Variants in RYR1 observed in about 807,000 individuals in gnomAD.
RYR1 encodes the protein central core disease of muscle.
Under a neutral mutation model 583.5 loss-of-function variants are expected in RYR1, and 342 were observed. That is an observed-to-expected ratio of 0.59 (90% CI 0.54 to 0.64). The LOEUF is 0.64. Ranked by LOEUF, RYR1 falls within the 30% of genes least tolerant of loss-of-function variation. The probability of loss-of-function intolerance (pLI) is 0.00; values close to 1 mark genes in which losing one functional copy is unlikely to be tolerated. For missense variants in RYR1, 6,032 were observed against 6,917.2 expected (o/e 0.87, Z 4.54); for synonymous variants, 2,791 against 2,822.5 (o/e 0.99, Z 0.35).
chr19:38,501,061 G>A, intron 47 of RYR1, 71 bp downstream of exon 47: 1 of 1,454,210 alleles, frequency 6.9e-7, no homozygotes, highest in Non-Finnish European at 9.5e-7. Context: ...TCACGGTAGA[G>A]CAGCAGCAGC....
chr19:38,491,527 C>G (rs1441350872), intron 37 of RYR1, among the ~76,000 whole-genome samples: 1 of 151,790 alleles, frequency 6.6e-6, no homozygotes, highest in Non-Finnish European at 1.5e-5. Flanking sequence ...CTCCTGGGCT[C>G]AAGCCATCCT....
chr19:38,543,974 T>C lies in RYR1; in HGVS notation c.12012+99T>C, dbSNP rs1222895823. 1 of 1,182,558 alleles carries C rather than the reference T, an allele frequency of 8.5e-7. No individual in the cohort carries two copies. Among genetic ancestry groups the C allele is most frequent in the Admixed American group, 2.0e-5 (1 of 50,678 alleles). The allele number at this position is 1,182,558 out of a possible 1,614,324, so 73.3% of individuals were successfully genotyped here. ...TTTGGTCAGTTTGTCACCCGAGTGC[T>C]CCCGGCATGTTCCAGACTGGTTCCC... On this transcript the variant is annotated intron_variant, in intron 87 of 105. Coordinates refer to ENST00000359596, the MANE Select transcript of RYR1 (RefSeq NM_000540.3). This position sits in a 1 kb window ranked among gnomAD's most constrained non-coding sequence, Gnocchi z 4.4.
At chr19:38,498,292 C>A (rs773506191) in intron 42 of RYR1, among the ~76,000 whole-genome samples, 3 of 152,048 alleles carry the variant, frequency 2.0e-5, no homozygotes, top group Non-Finnish European at 4.4e-5. Context: ...AGGGACGTGA[C>A]CTGACTCAGG....
chr19:38,562,117 G>T (rs983511869), intron 90 of RYR1, among the ~76,000 whole-genome samples: 1 of 151,922 alleles, frequency 6.6e-6, no homozygotes, highest in Admixed American at 6.6e-5. Context: ...TGCTTCATTT[G>T]TTCACTGTCC....
intron 87 of RYR1, among the ~76,000 whole-genome samples, chr19:38,544,611 G>C (rs1293832413): frequency 6.6e-6 from 1 of 152,186 alleles, no homozygotes; most frequent in Non-Finnish European, 1.5e-5. Flanking sequence ...AAGTGTTTTA[G>C]GGGACGCCTT....
At chr19:38,552,394 C>T (rs1043805962) in intron 89 of RYR1, among the ~76,000 whole-genome samples, 4 of 152,080 alleles carry the variant, frequency 2.6e-5, no homozygotes, top group Non-Finnish European at 5.9e-5. Context: ...AGCTGGACTA[C>T]AGGCATGCGC....
chr19:38,486,063 C>G lies in RYR1; in HGVS notation c.5408C>G (p.Pro1803Arg). ...EAPARLSPAI[P>R]LEALRDKALR... Reference sequence around the variant, plus strand: ...CCGGCCCGCCTCAGCCCTGCCATCCCGCTGGAGGCCCTGCGGGACAAGGCA... The same window carrying G: ...CCGGCCCGCCTCAGCCCTGCCATCCGGCTGGAGGCCCTGCGGGACAAGGCA... The change falls in exon 34 of 106, where the codon CCG (proline) becomes CGG (arginine). Residue 1803 changes from proline (P) to arginine (R), a missense_variant. Pro to Arg is a moderately radical substitution (Grantham distance 103). This residue lies in a region of RYR1 where 2,627 missense variants were observed against 2,961.3 expected (regional missense o/e 0.89). Coordinates refer to ENST00000359596, the MANE Select transcript of RYR1 (RefSeq NM_000540.3). 2.5e-6 allele frequency: 4 copies of G among 1,612,562 alleles called. No homozygotes were observed. Among genetic ancestry groups the G allele is most frequent in the Non-Finnish European group, 3.4e-6 (4 of 1,179,328 alleles).
intron 42 of RYR1, 119 bp from the exon 43 acceptor site, chr19:38,498,989 G>C (rs1969971622): frequency 4.4e-6 from 6 of 1,348,666 alleles, no homozygotes; most frequent in Non-Finnish European, 6.1e-6. Context: ...AATGGGCCGA[G>C]GGATCAGAGC....
intron 65 of RYR1, 135 bp downstream of exon 65, chr19:38,516,352 C>T: frequency 3.8e-6 from 4 of 1,041,770 alleles, no homozygotes; most frequent in Non-Finnish European, 2.8e-6. Context: ...TTGGGAGTGC[C>T]ACACATTCAG....
At chr19:38,539,617 A>G (rs980816984) in intron 84 of RYR1, among the ~76,000 whole-genome samples, 4 of 152,180 alleles carry the variant, frequency 2.6e-5, no homozygotes, top group African/African-American at 9.6e-5. Flanking sequence ...TTCCTCAGGA[A>G]TATGAAGTTT....
chr19:38,481,198 C>T (rs891520541), intron 31 of RYR1, among the ~76,000 whole-genome samples: 2 of 152,120 alleles, frequency 1.3e-5, no homozygotes, highest in Non-Finnish European at 2.9e-5. Flanking sequence ...GCAATCTTGG[C>T]TTACTGCAGC....
In RYR1 at chr19:38,485,810, C is replaced by A. The variant is rs771648635; in HGVS notation, c.5155C>A (p.Leu1719Ile). The change falls in exon 34 of 106, where the codon CTC becomes ATC. Residue 1719 changes from leucine to isoleucine, a missense_variant. Transcript: ENST00000359596. ...GYYDLLISIH[L>I]ESACRSRRSM... ...CTATGACCTCCTCATCAGCATCCAC[C>A]TCGAAAGTGCCTGCCGCAGCCGCCG... 9 of 1,613,292 alleles carry A rather than the reference C, an allele frequency of 5.6e-6. No homozygotes were observed. The highest frequency in any genetic ancestry group is 4.4e-5 in the South Asian group (4 of 91,094).
Position 38,483,033 on chromosome 19 carries a change from C to A in RYR1, c.4627C>A (p.Pro1543Thr). 6.2e-7 allele frequency: 1 copy of A among 1,614,064 alleles called. No individual in the cohort carries two copies. Among genetic ancestry groups the A allele is most frequent in the Non-Finnish European group, 8.5e-7 (1 of 1,179,922 alleles). Residue 1543 changes from proline to threonine, a missense_variant, in exon 32 of 106, where the codon CCC becomes ACC. By Grantham distance (38) the Pro-to-Thr change is conservative (BLOSUM62 -1). Coordinates refer to ENST00000359596, the MANE Select transcript of RYR1 (RefSeq NM_000540.3). This position sits in a 1 kb window ranked among gnomAD's most constrained non-coding sequence, Gnocchi z 6.3. ...KESNTFFQVE[P>T]NTKLFPAVFV... ...TCCTCTTCTCCTCTGCCAGGTGGAA[C>A]CCAACACTAAGCTATTTCCTGCCGT...
chr19:38,530,567 T>G (rs73032620), intron 76 of RYR1, among the ~76,000 whole-genome samples: 14,654 of 151,060 alleles, frequency 0.097, 823 homozygotes, highest in South Asian at 0.25. Context: ...ACCGCGCCTG[T>G]CAGGGATTTG....
intron 1 of RYR1, among the ~76,000 whole-genome samples, chr19:38,439,357 G>A (rs1373948321): frequency 6.6e-6 from 1 of 152,060 alleles, no homozygotes; most frequent in African/African-American, 2.4e-5. Flanking sequence ...ACGCCACCAT[G>A]CCCGGGTAAT....
At chr19:38,528,821 T>G in intron 75 of RYR1, 126 bp downstream of exon 75, 1 of 1,435,496 alleles carries the variant, frequency 7.0e-7, no homozygotes, top group Non-Finnish European at 9.7e-7. Context: ...AGCTCCTGGC[T>G]TGAGTAGAAC....
intron 13 of RYR1, 58 bp downstream of exon 13, chr19:38,453,072 GGGGCGGGGCCACGGCGCT>G (rs931450562): frequency 1.9e-6 from 3 of 1,576,074 alleles, no homozygotes; most frequent in African/African-American, 2.7e-5. Context: ...GGACCACTGA[GGGGCGGGGCCACGGCGCT>G]GGGCGGGGCA....
intron 1 of RYR1, among the ~76,000 whole-genome samples, chr19:38,437,567 CG>C (rs1972481553): frequency 6.6e-6 from 1 of 152,052 alleles, no homozygotes; most frequent in Non-Finnish European, 1.5e-5. Flanking sequence ...GTAATCCCTT[CG>C]CTTTGGGAGG....
intron 31 of RYR1, among the ~76,000 whole-genome samples, chr19:38,479,216 A>G (rs1172943515): frequency 2.0e-5 from 3 of 152,142 alleles, no homozygotes; most frequent in East Asian, 3.9e-4. Flanking sequence ...ATTCTGAAAA[A>G]TTTCAATCAT....
Sources: gnomAD v4.1 joint callset for allele counts (sites outside exome capture counted in the v4.1 genomes callset) on GRCh38, gnomAD v4.1.1 for gene constraint, gnomAD v4.1.1 regional missense constraint, Gnocchi (gnomAD v3.1) non-coding constraint, MANE v1.5 for transcripts, NCBI Gene and HGNC (gene_info 2026-07-23, HGNC 2026-07-21) for gene names.